The following PTPN6 variants were observed in gnomAD, a reference collection of about 807,000 sequenced individuals.
PTPN6 encodes tyrosine-protein phosphatase non-receptor type 6.
PTPN6 carries 18 observed loss-of-function variants against 81.5 expected under a neutral mutation model. That is an observed-to-expected ratio of 0.22 (90% CI 0.15 to 0.33). The LOEUF (loss-of-function observed/expected upper bound fraction) is 0.33, where lower values mean the gene tolerates loss of function less well. Ranked by LOEUF, PTPN6 falls within the 10% of genes least tolerant of loss-of-function variation. PTPN6 has a pLI of 1.00. For synonymous variants in PTPN6, 301 were observed against 310.9 expected, an observed-to-expected ratio of 0.97 and a Z score of 0.33; for missense variants, 500 against 794.2, an observed-to-expected ratio of 0.63 and a Z score of 4.45.
At position 6,952,503 on chromosome 12, in the gene PTPN6, C is replaced by A; in HGVS notation, c.326+326C>A. On this transcript the variant is annotated intron_variant, in intron 3 of 15. Coordinates refer to ENST00000318974, the MANE Select transcript of PTPN6 (RefSeq NM_002831.6). This position sits in a 1 kb window ranked among gnomAD's most constrained non-coding sequence, Gnocchi z 8.1. Reference sequence around the variant, plus strand: ...GTGGCCAGCATGTCGTGCAGGCCAGCTCTGTTGTTAGAAAGCTCTTCTTCC... The same window carrying A: ...GTGGCCAGCATGTCGTGCAGGCCAGATCTGTTGTTAGAAAGCTCTTCTTCC... The A allele has an allele frequency of 2.2e-6, 1 of 449,482 alleles. No homozygotes were observed. The highest frequency in any genetic ancestry group is 4.3e-5 in the East Asian group (1 of 23,198). 27.8% of individuals were successfully genotyped at this position (449,482 alleles called of 1,614,324 possible).
upstream of PTPN6, among the ~76,000 whole-genome samples, chr12:6,948,398 G>A (rs782728068): frequency 2.7e-5 from 4 of 146,562 alleles, no homozygotes; most frequent in South Asian, 2.2e-4. Context: ...TTGTGACACT[G>A]CACTTCAGCC....
chr12:6,951,892 C>T lies in PTPN6; in HGVS notation c.132-91C>T, dbSNP rs782049742. ...CATCCCTGTCTGTGCCCACCCATGC[C>T]CATGTGTGCCCCCACCCAGGACCTC... On this transcript the variant is annotated intron_variant, in intron 2 of 15. Transcript: ENST00000318974. The surrounding 1 kb of genome is among the most constrained non-coding windows in gnomAD (Gnocchi z 7.2). The T allele has an allele frequency of 3.3e-5, 51 of 1,547,140 alleles. No individual in the cohort carries two copies. The African/African-American group carries it at 6.5e-4, about 20-fold the overall frequency.
At chr12:6,958,347 CGGGACCCAGTTGCTGGCCAG>C (rs782611468) in intron 11 of PTPN6, among the ~76,000 whole-genome samples, 2 of 152,298 alleles carry the variant, frequency 1.3e-5, no homozygotes, top group Admixed American at 1.3e-4. Context: ...AGGAGGAGCC[CGGGACCCAGTTGCTGGCCAG>C]GCCCAAGCTA....
Position 6,952,175 on chromosome 12 carries a change from G to T in PTPN6, c.324G>T (p.Glu108Asp). Residue 108 changes from glutamate to aspartate, a missense_variant and splice_region_variant, in exon 3 of 16, where the codon GAG becomes GAT. Glu to Asp is a conservative substitution (Grantham distance 45, BLOSUM62 2). Around this residue, in one of 6 missense-constraint regions of PTPN6, gnomAD observed 98 missense variants for 199.2 expected, o/e 0.49. Transcript: ENST00000318974. This position sits in a 1 kb window ranked among gnomAD's most constrained non-coding sequence, Gnocchi z 8.1. ...TGAACTGCTCCGATCCCACTAGTGAGAGGTGAGGGCTCCGCACCCCCGCCA... is the reference window on the plus strand; with the variant it reads ...TGAACTGCTCCGATCCCACTAGTGATAGGTGAGGGCTCCGCACCCCCGCCA... ...YPLNCSDPTS[E>D]RWYHGHMSGG... The T allele has an allele frequency of 6.2e-7, 1 of 1,613,778 alleles. No individual in the cohort carries two copies. Among genetic ancestry groups the T allele is most frequent in the Non-Finnish European group, 8.5e-7 (1 of 1,179,986 alleles).
upstream of PTPN6, chr12:6,946,806 ATG>A (rs1555146888): frequency 1.3e-6 from 2 of 1,497,362 alleles, no homozygotes; most frequent in African/African-American, 2.8e-5. Context: ...GGCTTTGTTG[ATG>A]CTCACTCCGA....
intron 3 of PTPN6, chr12:6,953,468 G>A (rs1327206995): frequency 6.6e-6 from 1 of 152,370 alleles, no homozygotes; most frequent in African/African-American, 2.4e-5. Context: ...AAGGAAGGGA[G>A]GGCAGTGCCG....
chr12:6,960,606 G>T lies in PTPN6; in HGVS notation c.1673+171G>T. ...ATTTCCTGAGTGCCCACACGTGTGG[G>T]CCTCTGCTAGGTACCAGCAGCGCAC... On this transcript the variant is annotated intron_variant, in intron 14 of 15. Transcript: ENST00000318974. This position sits in a 1 kb window ranked among gnomAD's most constrained non-coding sequence, Gnocchi z 6.1. The T allele has an allele frequency of 2.7e-6, 4 of 1,485,888 alleles. No homozygotes were observed. The highest frequency in any genetic ancestry group is 3.7e-6 in the Non-Finnish European group (4 of 1,088,770). 92.0% of individuals were successfully genotyped at this position (1,485,888 alleles called of 1,614,324 possible).
At position 6,955,118 on chromosome 12, in the gene PTPN6, G is replaced by A. The variant is rs1555148362; in HGVS notation, c.517-33G>A. The A allele has an allele frequency of 6.2e-7, 1 of 1,611,658 alleles. No individual in the cohort carries two copies. The highest frequency in any genetic ancestry group is 8.5e-7 in the Non-Finnish European group (1 of 1,177,758). The stretch of plus-strand genomic sequence containing the variant: ...TGGGGACCCAGGGAGGGAGACTCAA[G>A]TCCTGTGAATGGCCTAATTTGGCTC... On this transcript the variant is annotated intron_variant, in intron 4 of 15. Coordinates refer to ENST00000318974, the MANE Select transcript of PTPN6 (RefSeq NM_002831.6). This position sits in a 1 kb window ranked among gnomAD's most constrained non-coding sequence, Gnocchi z 7.2.
chr12:6,954,765 G>A lies in PTPN6; in HGVS notation c.327-40G>A, dbSNP rs75610532. On this transcript the variant is annotated intron_variant, in intron 3 of 15. Coordinates refer to ENST00000318974, the MANE Select transcript of PTPN6 (RefSeq NM_002831.6). This position sits in a 1 kb window ranked among gnomAD's most constrained non-coding sequence, Gnocchi z 5.4. Reference sequence around the variant, plus strand: ...ATGTCTCTGCTCAGCGCCTTCCCCTGTGGCCTGGGTCTTACCTTCCCTGAC... The same window carrying A: ...ATGTCTCTGCTCAGCGCCTTCCCCTATGGCCTGGGTCTTACCTTCCCTGAC... The A allele has an allele frequency of 9.7e-4, 1,543 of 1,597,102 alleles. 16 individuals are homozygous for A. The African/African-American group carries it at 0.019, about 20-fold the overall frequency.
Position 6,959,867 on chromosome 12 carries a change from G to A in PTPN6, c.1362-60G>A. 30 of 1,578,354 alleles carry A rather than the reference G, an allele frequency of 1.9e-5. No homozygotes were observed. The highest frequency in any genetic ancestry group is 2.6e-5 in the Non-Finnish European group (30 of 1,151,578). ...GCCTGGGGCTGGAGCTGAGCGCTGGGTACCCCCCTTCCCGGGGAGGGCTTG... is the reference window on the plus strand; with the variant it reads ...GCCTGGGGCTGGAGCTGAGCGCTGGATACCCCCCTTCCCGGGGAGGGCTTG... On this transcript the variant is annotated intron_variant, in intron 11 of 15. Transcript: ENST00000318974. The surrounding 1 kb of genome is among the most constrained non-coding windows in gnomAD (Gnocchi z 6.6).
chr12:6,959,750 C>T lies in PTPN6; in HGVS notation c.1362-177C>T. 1.5e-6 allele frequency: 1 copy of T among 687,672 alleles called. No individual in the cohort carries two copies. 42.6% of individuals were successfully genotyped at this position (687,672 alleles called of 1,614,324 possible). A position where few individuals can be genotyped will look rare whatever the true frequency, so the allele number is the denominator to read the frequency against. On this transcript the variant is annotated intron_variant, in intron 11 of 15. Transcript: ENST00000318974. The surrounding 1 kb of genome is among the most constrained non-coding windows in gnomAD (Gnocchi z 6.6). ...CGCAGAGCCCGAGGTGGAGCGTGTC[C>T]ATGCAGAGCTGGGCAAACCTCCATC...
chr12:6,959,580 G>C lies in PTPN6; in HGVS notation c.1362-347G>C. The C allele has an allele frequency of 2.0e-6, 1 of 491,502 alleles. No homozygotes were observed. The highest frequency in any genetic ancestry group is 3.7e-6 in the Non-Finnish European group (1 of 269,588). 30.4% of individuals were successfully genotyped at this position (491,502 alleles called of 1,614,324 possible). On this transcript the variant is annotated intron_variant, in intron 11 of 15. Transcript: ENST00000318974. This position sits in a 1 kb window ranked among gnomAD's most constrained non-coding sequence, Gnocchi z 6.6. ...TCAGGGAGAGGCGGGGAGGGCTCAG[G>C]GTACCTGGGAGCCGGCAGGACAGTG... is the stretch of plus-strand genomic sequence containing the variant.
rs1946015099 is a variant in PTPN6, at chr12:6,955,603, T to TG, written c.748-57_748-56insG. 1.3e-5 allele frequency: 21 copies of TG among 1,584,330 alleles called. No homozygotes were observed. The highest frequency in any genetic ancestry group is 1.8e-5 in the Non-Finnish European group (21 of 1,154,074). On this transcript the variant is annotated intron_variant, in intron 6 of 15. Coordinates refer to ENST00000318974, the MANE Select transcript of PTPN6 (RefSeq NM_002831.6). The surrounding 1 kb of genome is among the most constrained non-coding windows in gnomAD (Gnocchi z 7.2). The stretch of plus-strand genomic sequence containing the variant: ...TGCTCCTGACCCACCCCACGTGAGC[T>TG]CCCCCGATGGATGCCCTCTTTGGGA...
At chr12:6,950,683 C>T (rs140106634), upstream of PTPN6, among the ~76,000 whole-genome samples, 320 of 152,302 alleles carry the variant, frequency 2.1e-3, 2 homozygotes, top group African/African-American at 7.1e-3. Context: ...AACTATTAGT[C>T]TCCTGCTCCC....
At position 6,955,536 on chromosome 12, in the gene PTPN6, C is replaced by G. The variant is rs1591687709; in HGVS notation, c.747+51C>G. The G allele has an allele frequency of 1.3e-6, 2 of 1,594,826 alleles. No individual in the cohort carries two copies. Among genetic ancestry groups the G allele is most frequent in the East Asian group, 4.5e-5 (2 of 44,740 alleles). On this transcript the variant is annotated intron_variant, in intron 6 of 15. Coordinates refer to ENST00000318974, the MANE Select transcript of PTPN6 (RefSeq NM_002831.6). The surrounding 1 kb of genome is among the most constrained non-coding windows in gnomAD (Gnocchi z 7.2). ...GGGGCAGCTGAGGTGGTGGCAGCGG[C>G]CTGGGGCCCCAGGCGGACACCTTCC...
rs977869058 is a variant in PTPN6, at chr12:6,961,226, C to T, written c.*126C>T. 1.6e-5 allele frequency: 7 copies of T among 433,830 alleles called. No individual in the cohort carries two copies. Among genetic ancestry groups the T allele is most frequent in the Non-Finnish European group, 3.0e-5 (7 of 232,592 alleles). The allele number at this position is 433,830 out of a possible 1,614,324, so 26.9% of individuals were successfully genotyped here. A position where few individuals can be genotyped will look rare whatever the true frequency, so the allele number is the denominator to read the frequency against. ...TGTAATTTAAATGGCTGCATCCCCCCCACCTCTCCCTGACCCTGTATATAG... is the reference window on the plus strand; with the variant it reads ...TGTAATTTAAATGGCTGCATCCCCCTCACCTCTCCCTGACCCTGTATATAG... On this transcript the variant is annotated 3_prime_UTR_variant, in exon 16 of 16. Transcript: ENST00000318974.
At position 6,954,269 on chromosome 12, in the gene PTPN6, C is replaced by A. The variant is rs1565581187; in HGVS notation, c.327-536C>A. On this transcript the variant is annotated intron_variant, in intron 3 of 15. Coordinates refer to ENST00000318974, the MANE Select transcript of PTPN6 (RefSeq NM_002831.6). This position sits in a 1 kb window ranked among gnomAD's most constrained non-coding sequence, Gnocchi z 5.4. ...GACTTGAGTCTGTGTGTCCATCTCC[C>A]ACCACTCCCTGTGGTGTGGCCTCGG... Among the ~76,000 whole-genome samples, 1 of 152,192 alleles carries A rather than the reference C, an allele frequency of 6.6e-6. No homozygotes were observed. The highest frequency in any genetic ancestry group is 1.5e-5 in the Non-Finnish European group (1 of 68,038).
Position 6,957,639 on chromosome 12 carries a change from A to AC in PTPN6, c.1075-12dup. 5 of 843,042 alleles carry AC rather than the reference A, an allele frequency of 5.9e-6. No homozygotes were observed. Among genetic ancestry groups the AC allele is most frequent in the African/African-American group, 3.5e-5 (2 of 57,036 alleles). The allele number at this position is 843,042 out of a possible 1,614,324, so 52.2% of individuals were successfully genotyped here. Reference sequence around the variant, plus strand: ...CTGCTCTGTGCCTCATCCCCACCCGACCCTCCCTTTCCAGAACAAATGCGT... The same window carrying AC: ...CTGCTCTGTGCCTCATCCCCACCCGACCCCTCCCTTTCCAGAACAAATGCGT... On this transcript the variant is annotated splice_polypyrimidine_tract_variant and intron_variant, in intron 9 of 15. Coordinates refer to ENST00000318974, the MANE Select transcript of PTPN6 (RefSeq NM_002831.6). This position sits in a 1 kb window ranked among gnomAD's most constrained non-coding sequence, Gnocchi z 6.5.
Position 6,951,949 on chromosome 12 carries a change from G to A in PTPN6, c.132-34G>A. The A allele has an allele frequency of 6.2e-7, 1 of 1,608,378 alleles. No individual in the cohort carries two copies. Among genetic ancestry groups the A allele is most frequent in the Non-Finnish European group, 8.5e-7 (1 of 1,176,032 alleles). On this transcript the variant is annotated intron_variant, in intron 2 of 15. Coordinates refer to ENST00000318974, the MANE Select transcript of PTPN6 (RefSeq NM_002831.6). This position sits in a 1 kb window ranked among gnomAD's most constrained non-coding sequence, Gnocchi z 7.2. ...TCCCTGCCCTCCTGCCTCTACTCCTGCACCGACTGGCCTCACCGCCTGGTG... is the reference window on the plus strand; with the variant it reads ...TCCCTGCCCTCCTGCCTCTACTCCTACACCGACTGGCCTCACCGCCTGGTG...
Sources: gnomAD v4.1 joint callset for allele counts (sites outside exome capture counted in the v4.1 genomes callset) on GRCh38, gnomAD v4.1.1 for gene constraint, gnomAD v4.1.1 regional missense constraint, Gnocchi (gnomAD v3.1) non-coding constraint, MANE v1.5 for transcripts, NCBI Gene and HGNC (gene_info 2026-07-23, HGNC 2026-07-21) for gene names.